Variants in SEMA3D observed in about 807,000 individuals in gnomAD.
SEMA3D encodes semaphorin 3D.
SEMA3D carries 84 observed loss-of-function variants against 100.1 expected under a neutral mutation model. The observed-to-expected ratio is 0.84, with a 90% CI of 0.70 to 1.01. SEMA3D has a LOEUF of 1.01. Among genes scored for constraint, SEMA3D ranks in the 50% least tolerant of loss-of-function variants. The probability of loss-of-function intolerance (pLI) is 0.00; values close to 1 mark genes in which losing one functional copy is unlikely to be tolerated. For synonymous variants in SEMA3D, 312 were observed against 320.7 expected (o/e 0.97, Z 0.29); for missense variants, 875 against 934.1 (o/e 0.94, Z 0.82).
At chr7:85,190,145 C>T, upstream of SEMA3D, among the ~76,000 whole-genome samples, 1 of 152,042 alleles carries the variant, frequency 6.6e-6, no homozygotes, top group Non-Finnish European at 1.5e-5. Flanking sequence ...AATCTACAAT[C>T]CTAGTTCTCT....
chr7:85,242,777 A>G, the SEMA3D span, among the ~76,000 whole-genome samples: 1 of 152,148 alleles, frequency 6.6e-6, no homozygotes, highest in African/African-American at 2.4e-5. Context: ...CCAAATTATC[A>G]TTATGTAGTA....
intron 7 of SEMA3D, among the ~76,000 whole-genome samples, chr7:85,066,662 A>G (rs536628910): frequency 6.6e-6 from 1 of 152,144 alleles, no homozygotes; most frequent in South Asian, 2.1e-4. Flanking sequence ...AAATCCCTAC[A>G]GAGCATTTAG....
intron 1 of SEMA3D, chr7:85,159,750 T>G (rs1410280027): frequency 1.4e-6 from 1 of 700,118 alleles, no homozygotes; most frequent in Admixed American, 6.3e-5. Flanking sequence ...AGTGACAGAA[T>G]GTAAATGATT....
At chr7:85,080,170 A>G (rs1788011240) in intron 5 of SEMA3D, among the ~76,000 whole-genome samples, 1 of 152,172 alleles carries the variant, frequency 6.6e-6, no homozygotes, top group Admixed American at 6.6e-5. Context: ...TTTCATTTCA[A>G]CTATTTTGCT....
At chr7:85,008,598 T>A (rs1258976809) in intron 17 of SEMA3D, among the ~76,000 whole-genome samples, 1 of 151,720 alleles carries the variant, frequency 6.6e-6, no homozygotes, top group Non-Finnish European at 1.5e-5. Context: ...AAATCCAAAA[T>A]GCTCCAAAAT....
At chr7:85,095,529 T>C (rs1788523116) in intron 4 of SEMA3D, among the ~76,000 whole-genome samples, 1 of 152,074 alleles carries the variant, frequency 6.6e-6, no homozygotes, top group Non-Finnish European at 1.5e-5. Flanking sequence ...ACATGTGTGG[T>C]TTCCTCCGCA....
At chr7:85,037,938 G>A (rs999890331) in intron 11 of SEMA3D, among the ~76,000 whole-genome samples, 1 of 151,516 alleles carries the variant, frequency 6.6e-6, no homozygotes, top group Non-Finnish European at 1.5e-5. Context: ...TCCCACCTAT[G>A]AGTGAGAACA....
At chr7:85,158,092 C>T (rs775491125) in intron 1 of SEMA3D, among the ~76,000 whole-genome samples, 3 of 151,986 alleles carry the variant, frequency 2.0e-5, no homozygotes, top group Non-Finnish European at 4.4e-5. Context: ...GTGATTATTG[C>T]GTTAACTGCA....
the SEMA3D span, among the ~76,000 whole-genome samples, chr7:85,236,263 G>GTATTTTATTT: frequency 8.4e-5 from 12 of 142,224 alleles, no homozygotes; most frequent in African/African-American, 2.9e-4. Flanking sequence ...AGATGATTTA[G>GTATTTTATTT]TATTTTATTT....
chr7:85,106,254 CCTT>C (rs1009164532), intron 3 of SEMA3D, among the ~76,000 whole-genome samples: 2 of 152,014 alleles, frequency 1.3e-5, no homozygotes, highest in Non-Finnish European at 2.9e-5. Flanking sequence ...CAGAATTTCT[CCTT>C]CTTCAAGTTA....
rs759496119 is a variant in SEMA3D, at chr7:85,121,811, C to A, written c.81G>T (p.Met27Ile). ...HLFPALMMLS[M>I]TMLFLPVTGT... ...CAGTGACTGGAAGAAACAACATGGT[C>A]ATGCTTAGCATCATCAAAGCAGGAA... Residue 27 changes from methionine to isoleucine, a missense_variant, in exon 3 of 19, where the codon ATG becomes ATT. Met to Ile is a conservative substitution (Grantham distance 10, BLOSUM62 1). Coordinates refer to ENST00000284136, the MANE Select transcript of SEMA3D (RefSeq NM_001384900.1). 1.9e-6 allele frequency: 3 copies of A among 1,609,570 alleles called. No individual in the cohort carries two copies. Among genetic ancestry groups the A allele is most frequent in the Non-Finnish European group, 2.5e-6 (3 of 1,178,202 alleles).
chr7:85,189,843 G>C (rs1183627138), upstream of SEMA3D, among the ~76,000 whole-genome samples: 2 of 152,116 alleles, frequency 1.3e-5, no homozygotes, highest in African/African-American at 4.8e-5. Context: ...GTAGTAATAT[G>C]TGTTAGGCAA....
At chr7:85,042,047 A>C (rs1268662473) in intron 10 of SEMA3D, 124 bp downstream of exon 10, 2 of 726,582 alleles carry the variant, frequency 2.8e-6, no homozygotes, top group Admixed American at 2.2e-5. Flanking sequence ...TTTAGTAAGA[A>C]CCACTCCTGT....
At chr7:85,130,777 G>C (rs777438045) in intron 2 of SEMA3D, among the ~76,000 whole-genome samples, 18 of 152,058 alleles carry the variant, frequency 1.2e-4, no homozygotes, top group Non-Finnish European at 2.4e-4. Context: ...CAAGGTAAAA[G>C]AAGTTTCTTT....
rs139922964 is a variant in SEMA3D, at chr7:85,064,846, T to C, written c.718+578A>G. Among the ~76,000 whole-genome samples, 561 of 152,318 alleles carry C rather than the reference T, an allele frequency of 3.7e-3. 2 individuals are homozygous for C. The highest frequency in any genetic ancestry group is 0.013 in the African/African-American group (547 of 41,570). ...AAAATTTGAAACTCAAAATATTGTA[T>C]GATTCTTAAAATAGTAATCAGACAA... On this transcript the variant is annotated intron_variant, in intron 8 of 18. Transcript: ENST00000284136.
intron 1 of SEMA3D, among the ~76,000 whole-genome samples, chr7:85,168,878 A>AAAGAAAAG (rs1562843194): frequency 4.3e-5 from 6 of 138,150 alleles, no homozygotes; most frequent in African/African-American, 1.6e-4. Context: ...AGAAAGAAAG[A>AAAGAAAAG]AAAGAAAGAA....
chr7:85,185,709 C>T (rs1421775852), intron 1 of SEMA3D, among the ~76,000 whole-genome samples: 2 of 152,162 alleles, frequency 1.3e-5, no homozygotes, highest in African/African-American at 4.8e-5. Context: ...TGCACTGTGA[C>T]GGAGGCAAAG....
chr7:85,156,168 T>C (rs1562838454), intron 1 of SEMA3D, among the ~76,000 whole-genome samples: 2 of 151,616 alleles, frequency 1.3e-5, no homozygotes, highest in African/African-American at 2.4e-5. Flanking sequence ...AGTGGCAAGA[T>C]CTCGGCTCAC....
intron 15 of SEMA3D, among the ~76,000 whole-genome samples, chr7:85,016,191 C>G (rs964838575): frequency 6.7e-6 from 1 of 148,336 alleles, no homozygotes; most frequent in Non-Finnish European, 1.5e-5. Context: ...TTGAAACTTT[C>G]TCTGCTTTCT....
Sources: gnomAD v4.1 joint callset for allele counts (sites outside exome capture counted in the v4.1 genomes callset) on GRCh38, gnomAD v4.1.1 for gene constraint, MANE v1.5 for transcripts, NCBI Gene and HGNC (gene_info 2026-07-23, HGNC 2026-07-21) for gene names.